The following PRKN variants were observed in gnomAD, a reference collection of about 807,000 sequenced individuals.
PRKN encodes the protein parkin RBR E3 ubiquitin protein ligase.
Under a neutral mutation model 59.5 loss-of-function variants are expected in PRKN, and 56 were observed. The ratio of observed to expected loss-of-function variants is 0.94; its 90% CI spans 0.76 to 1.18. The LOEUF (loss-of-function observed/expected upper bound fraction) is 1.18. PRKN is among the 50% of genes most tolerant of loss of function. The probability of loss-of-function intolerance (pLI) is 0.00; values close to 1 mark genes in which losing one functional copy is unlikely to be tolerated. For synonymous variants in PRKN, 250 were observed against 222.1 expected, an observed-to-expected ratio of 1.13 and a Z score of -1.12; for missense variants, 657 against 596.4, an observed-to-expected ratio of 1.10 and a Z score of -1.06.
chr6:161,619,522 A>G (rs570279128), intron 7 of PRKN, among the ~76,000 whole-genome samples: 48 of 152,202 alleles, frequency 3.2e-4, no homozygotes, highest in Admixed American at 1.0e-3. Flanking sequence ...CTTACTTGGT[A>G]TCAGTTTAAG....
intron 1 of PRKN, among the ~76,000 whole-genome samples, chr6:162,695,630 A>G (rs371011709): frequency 6.6e-6 from 1 of 152,152 alleles, no homozygotes; most frequent in Admixed American, 6.5e-5. Context: ...TTGGAAATGG[A>G]TATTTCTTGA....
chr6:161,532,164 CTCTATATA>C (rs150563373), intron 9 of PRKN, among the ~76,000 whole-genome samples: 4,453 of 67,780 alleles, frequency 0.066, 117 homozygotes, highest in East Asian at 0.21. Flanking sequence ...CTCTCTCTCT[CTCTATATA>C]TATATATATA....
intron 1 of PRKN, among the ~76,000 whole-genome samples, chr6:162,489,320 C>G (rs1037701204): frequency 6.6e-6 from 1 of 152,168 alleles, no homozygotes; most frequent in Non-Finnish European, 1.5e-5. Flanking sequence ...AAAGCTGAAG[C>G]AGCATACATT....
At chr6:161,436,303 C>T (rs112967688) in intron 9 of PRKN, among the ~76,000 whole-genome samples, 29,397 of 72,798 alleles carry the variant, frequency 0.4, 3,655 homozygotes, top group Middle Eastern at 0.44. Context: ...GAGCAGGGGC[C>T]GGGATGGGAG....
At chr6:162,247,180 CT>C (rs1227548438) in intron 3 of PRKN, among the ~76,000 whole-genome samples, 1 of 152,034 alleles carries the variant, frequency 6.6e-6, no homozygotes, top group Non-Finnish European at 1.5e-5. Flanking sequence ...TTTCCAGTTT[CT>C]TTGTGAAATC....
chr6:162,556,417 C>T (rs548316288), intron 1 of PRKN, among the ~76,000 whole-genome samples: 13 of 126,820 alleles, frequency 1.0e-4, no homozygotes, highest in Middle Eastern at 4.3e-3. Context: ...GTTTGGCAGA[C>T]GCCTTCTTTT....
intron 1 of PRKN, among the ~76,000 whole-genome samples, chr6:162,673,184 C>T (rs1779400465): frequency 6.6e-6 from 1 of 152,118 alleles, no homozygotes; most frequent in Non-Finnish European, 1.5e-5. Context: ...AATCTGTAAA[C>T]ACTGAATGAT....
intron 2 of PRKN, among the ~76,000 whole-genome samples, chr6:162,286,298 G>C (rs1256777456): frequency 1.3e-5 from 2 of 151,804 alleles, no homozygotes; most frequent in African/African-American, 4.9e-5. Context: ...GTGTTTGTTT[G>C]TTTGTTTGTT....
chr6:162,697,625 C>T (rs536118633), intron 1 of PRKN, among the ~76,000 whole-genome samples: 48 of 152,096 alleles, frequency 3.2e-4, no homozygotes, highest in African/African-American at 1.1e-3. Flanking sequence ...TATGCTATGG[C>T]GTCAAAAGTT....
At chr6:162,523,860 A>G (rs1778170729) in intron 1 of PRKN, among the ~76,000 whole-genome samples, 1 of 151,794 alleles carries the variant, frequency 6.6e-6, no homozygotes, top group Non-Finnish European at 1.5e-5. Flanking sequence ...CTAAAAAGAA[A>G]TTATGTTTAA....
rs1779282726 is a variant in PRKN at position 161,533,051 on chromosome 6, A to C, written c.1083+15803T>G. Among the ~76,000 whole-genome samples, 1 of 152,230 alleles carries C rather than the reference A, an allele frequency of 6.6e-6. No individual in the cohort carries two copies. The highest frequency in any genetic ancestry group is 1.5e-5 in the Non-Finnish European group (1 of 68,038). On this transcript the variant is annotated intron_variant, in intron 9 of 11. Transcript: ENST00000366898. The surrounding 1 kb of genome is among the most constrained non-coding windows in gnomAD (Gnocchi z 4.1). ...AGGCAGCAAATTATGCAGCATAATA[A>C]AGATGGGTGAGTATAAATATTCTAT...
intron 7 of PRKN, among the ~76,000 whole-genome samples, chr6:161,775,249 T>TC (rs1685196546): frequency 6.6e-6 from 1 of 152,052 alleles, no homozygotes; most frequent in South Asian, 2.1e-4. Flanking sequence ...AGTTAGCAAT[T>TC]CTTTTTTTTT....
chr6:162,355,407 CTATA>C (rs1003552631), intron 2 of PRKN, among the ~76,000 whole-genome samples: 3 of 151,182 alleles, frequency 2.0e-5, no homozygotes, highest in African/African-American at 7.3e-5. Context: ...ATCTATCTAT[CTATA>C]TATATATAAC....
At chr6:162,272,986 T>A (rs1583297999) in intron 2 of PRKN, among the ~76,000 whole-genome samples, 1 of 105,618 alleles carries the variant, frequency 9.5e-6, no homozygotes, top group African/African-American at 3.8e-5. Flanking sequence ...GGTGACAGAG[T>A]AAGCCTGTGT....
chr6:162,047,933 G>C (rs1777448545), intron 5 of PRKN, among the ~76,000 whole-genome samples: 2 of 152,104 alleles, frequency 1.3e-5, no homozygotes, highest in African/African-American at 4.8e-5. Context: ...TGCATGTTGA[G>C]TAAGATGAAA....
chr6:161,689,127 C>T (rs553513652), intron 7 of PRKN, among the ~76,000 whole-genome samples: 1 of 151,872 alleles, frequency 6.6e-6, no homozygotes, highest in Non-Finnish European at 1.5e-5. Flanking sequence ...AAAGTACATT[C>T]ACTGTGTGTT....
chr6:162,097,460 G>A (rs963765175), intron 4 of PRKN, among the ~76,000 whole-genome samples: 10 of 152,152 alleles, frequency 6.6e-5, no homozygotes, highest in African/African-American at 2.4e-4. Context: ...TACATACACA[G>A]CAAGTGGTGG....
intron 3 of PRKN, among the ~76,000 whole-genome samples, chr6:162,261,963 T>C (rs536096913): frequency 3.3e-4 from 51 of 152,272 alleles, no homozygotes; most frequent in African/African-American, 1.2e-3. Flanking sequence ...GGGAGGAAAA[T>C]CAACTTCTAC....
Position 161,579,364 on chromosome 6 carries a change from A to G in PRKN, c.872-9948T>C, listed in dbSNP as rs1781253263. Among the ~76,000 whole-genome samples the G allele has an allele frequency of 6.6e-6, 1 of 152,220 alleles. No individual in the cohort carries two copies. The highest frequency in any genetic ancestry group is 6.5e-5 in the Admixed American group (1 of 15,282). ...CTAGTTAAATAGGGTCTAGAGGGTC[A>G]GCGGGGCACCTAATTATCATGGTTA... On this transcript the variant is annotated intron_variant, in intron 7 of 11. Coordinates refer to ENST00000366898, the MANE Select transcript of PRKN (RefSeq NM_004562.3). The surrounding 1 kb of genome is among the most constrained non-coding windows in gnomAD (Gnocchi z 4.2).
Sources: allele counts gnomAD v4.1 joint callset (sites outside exome capture counted in the v4.1 genomes callset), GRCh38; gene constraint gnomAD v4.1.1; non-coding constraint Gnocchi (gnomAD v3.1); transcripts MANE v1.5; gene names NCBI Gene and HGNC (gene_info 2026-07-23, HGNC 2026-07-21).